MTCL2: variants seen among roughly 807,000 people sequenced by gnomAD.
The protein encoded by MTCL2 is microtubule crosslinking factor 2.
chr20:36,793,900 TG>T, the MTCL2 span: 1 of 1,550,280 alleles, frequency 6.5e-7, no homozygotes, highest in Non-Finnish European at 8.7e-7. The surrounding 1 kb of genome is among the most constrained non-coding windows in gnomAD (Gnocchi z 6.8). Flanking sequence ...TGCTGCGGGG[TG>T]GGTCGGTCTG....
At chr20:36,858,537 A>G in the MTCL2 span, among the ~76,000 whole-genome samples, 3 of 144,808 alleles carry the variant, frequency 2.1e-5, no homozygotes, top group African/African-American at 7.8e-5. Flanking sequence ...AGGGAAGGTG[A>G]TCACACCTTT....
chr20:36,839,787 G>A, the MTCL2 span, among the ~76,000 whole-genome samples: 3,363 of 152,280 alleles, frequency 0.022, 49 homozygotes, highest in Non-Finnish European at 0.033. This position sits in a 1 kb window ranked among gnomAD's most constrained non-coding sequence, Gnocchi z 5.1. Flanking sequence ...GAGCCTTCCC[G>A]AGGAATGCAG....
the MTCL2 span, chr20:36,859,551 TAA>T: frequency 8.3e-7 from 1 of 1,205,798 alleles, no homozygotes; most frequent in Non-Finnish European, 1.0e-6. Flanking sequence ...TCTGAATAAT[TAA>T]AGTGACAGTG....
chr20:36,863,047 G>T, the MTCL2 span: 6 of 1,406,668 alleles, frequency 4.3e-6, no homozygotes, highest in Non-Finnish European at 5.6e-6. This position sits in a 1 kb window ranked among gnomAD's most constrained non-coding sequence, Gnocchi z 6.2. Context: ...GAGCGCGGAC[G>T]GCCCTTGGCA....
chr20:36,841,155 C>CAAAACA, the MTCL2 span, among the ~76,000 whole-genome samples: 10 of 40,352 alleles, frequency 2.5e-4, no homozygotes, highest in Non-Finnish European at 3.2e-4. Flanking sequence ...ACTAAAAATA[C>CAAAACA]AAAAAAAAAA....
At chr20:36,794,524 G>T in the MTCL2 span, 6 of 1,614,018 alleles carry the variant, frequency 3.7e-6, no homozygotes, top group South Asian at 6.6e-5. This position sits in a 1 kb window ranked among gnomAD's most constrained non-coding sequence, Gnocchi z 5.4. Context: ...TCTTGCCCCG[G>T]GCATCTCCGC....
chr20:36,782,393 C>T, the MTCL2 span: 4 of 152,282 alleles, frequency 2.6e-5, no homozygotes, highest in African/African-American at 9.6e-5. Context: ...CCCAAGTTCT[C>T]ATCTAAACTC....
chr20:36,778,750 G>C, the MTCL2 span: 1 of 152,370 alleles, frequency 6.6e-6, no homozygotes, highest in Non-Finnish European at 1.5e-5. Context: ...TACAGCATGA[G>C]GGGTGCTCTA....
At chr20:36,837,303 A>G in the MTCL2 span, among the ~76,000 whole-genome samples, 18 of 152,282 alleles carry the variant, frequency 1.2e-4, no homozygotes. Context: ...GCTTCCGAAG[A>G]CAGGCAGGGG....
chr20:36,862,829 C>A, the MTCL2 span: 4 of 1,328,122 alleles, frequency 3.0e-6, no homozygotes, highest in African/African-American at 4.6e-5. Context: ...GGGAGGCGGG[C>A]GGCCGCGGGG....
chr20:36,801,407 A>C, the MTCL2 span, among the ~76,000 whole-genome samples: 1 of 152,146 alleles, frequency 6.6e-6, no homozygotes, highest in African/African-American at 2.4e-5. Context: ...TGATGATTAA[A>C]AAACAAACAA....
the MTCL2 span, chr20:36,815,866 G>A: frequency 6.2e-6 from 10 of 1,605,428 alleles, no homozygotes; most frequent in African/African-American, 1.2e-4. The surrounding 1 kb of genome is among the most constrained non-coding windows in gnomAD (Gnocchi z 5.3). Context: ...GAGCGCCGCA[G>A]CAGCTCGGCC....
At chr20:36,837,396 A>C in the MTCL2 span, among the ~76,000 whole-genome samples, 1 of 144,040 alleles carries the variant, frequency 6.9e-6, no homozygotes, top group African/African-American at 2.5e-5. Context: ...GAGGCTTGGG[A>C]GGCTCATGAG....
the MTCL2 span, among the ~76,000 whole-genome samples, chr20:36,788,401 C>T: frequency 6.6e-6 from 1 of 151,884 alleles, no homozygotes; most frequent in Non-Finnish European, 1.5e-5. Flanking sequence ...CCTGTAATCC[C>T]AGCACTTTGG....
chr20:36,826,985 T>C, the MTCL2 span, among the ~76,000 whole-genome samples: 1 of 152,148 alleles, frequency 6.6e-6, no homozygotes, highest in Admixed American at 6.6e-5. Context: ...TTAATGATCC[T>C]AAACAACCTC....
At chr20:36,778,297 A>C in the MTCL2 span, 1 of 153,824 alleles carries the variant, frequency 6.5e-6, no homozygotes, top group Non-Finnish European at 1.4e-5. Context: ...GGCTCTACTA[A>C]TGGCTAGCCC....
chr20:36,787,320 C>A, the MTCL2 span, among the ~76,000 whole-genome samples: 17 of 151,878 alleles, frequency 1.1e-4, no homozygotes, highest in Non-Finnish European at 2.2e-4. Context: ...CTCCACCTCA[C>A]GGATTCAAGT....
the MTCL2 span, among the ~76,000 whole-genome samples, chr20:36,833,493 C>T: frequency 6.6e-6 from 1 of 152,252 alleles, no homozygotes; most frequent in Non-Finnish European, 1.5e-5. Context: ...GGCATCAGGC[C>T]CCTCGGCTCC....
chr20:36,848,187 G>C, the MTCL2 span, among the ~76,000 whole-genome samples: 1 of 152,160 alleles, frequency 6.6e-6, no homozygotes, highest in Non-Finnish European at 1.5e-5. Context: ...GGGCAGATCA[G>C]AACTGGTCGC....
Sources: allele counts gnomAD v4.1 joint callset (sites outside exome capture counted in the v4.1 genomes callset), GRCh38; gene constraint gnomAD v4.1.1; non-coding constraint Gnocchi (gnomAD v3.1); transcripts MANE v1.5; gene names NCBI Gene and HGNC (gene_info 2026-07-23, HGNC 2026-07-21).